The following STYK1 variants were observed in gnomAD, a reference collection of about 807,000 sequenced individuals.
STYK1 encodes the protein tyrosine-protein kinase STYK1.
Under a neutral mutation model 48.1 loss-of-function variants are expected in STYK1, and 46 were observed. The ratio of observed to expected loss-of-function variants is 0.96; its 90% confidence interval spans 0.75 to 1.22. The LOEUF is 1.22. Among genes scored for constraint, STYK1 ranks in the 50% most tolerant of loss-of-function variants. The pLI is 0.00. For missense variants in STYK1, 527 were observed against 521.1 expected (o/e 1.01, Z -0.11); for synonymous variants, 188 against 189.0 (o/e 0.99, Z 0.04).
At chr12:10,649,840 CAGT>C (rs372644037) in intron 1 of STYK1, among the ~76,000 whole-genome samples, 1 of 152,184 alleles carries the variant, frequency 6.6e-6, no homozygotes, top group African/African-American at 2.4e-5. Context: ...AGGCCGGGAG[CAGT>C]GGTTCACGCC....
intron 1 of STYK1, among the ~76,000 whole-genome samples, chr12:10,647,093 A>G (rs115578404): frequency 0.012 from 1,847 of 152,300 alleles, 35 homozygotes; most frequent in African/African-American, 0.043. Context: ...CCCCCACACA[A>G]TGTCCCTATT....
At chr12:10,636,815 G>C (rs1015887027) in intron 2 of STYK1, among the ~76,000 whole-genome samples, 21 of 151,972 alleles carry the variant, frequency 1.4e-4, no homozygotes, top group African/African-American at 4.6e-4. Flanking sequence ...AGCACAGGTG[G>C]AAAAAAGGGT....
At chr12:10,656,200 T>C (rs1465596870) in intron 1 of STYK1, among the ~76,000 whole-genome samples, 1 of 152,206 alleles carries the variant, frequency 6.6e-6, no homozygotes, top group Non-Finnish European at 1.5e-5. Context: ...GCAAAAGACA[T>C]GGCTTTCTCC....
intron 1 of STYK1, among the ~76,000 whole-genome samples, chr12:10,655,835 G>A (rs986076573): frequency 3.9e-5 from 6 of 152,198 alleles, no homozygotes; most frequent in Non-Finnish European, 5.9e-5. Context: ...CATTTTTGAA[G>A]TGCTATGGTT....
At chr12:10,648,345 GA>G (rs547781803) in intron 1 of STYK1, among the ~76,000 whole-genome samples, 8 of 148,650 alleles carry the variant, frequency 5.4e-5, no homozygotes, top group African/African-American at 9.9e-5. Flanking sequence ...TCTTCCAACA[GA>G]AAAAAAAATC....
At chr12:10,644,490 A>C (rs1947578689) in intron 1 of STYK1, among the ~76,000 whole-genome samples, 1 of 152,246 alleles carries the variant, frequency 6.6e-6, no homozygotes, top group Admixed American at 6.5e-5. Flanking sequence ...TTTTGCAACT[A>C]CTTGTGAACC....
At chr12:10,624,920 G>A (rs1947339488) in intron 7 of STYK1, 61 bp from the exon 8 acceptor site, 6 of 1,462,130 alleles carry the variant, frequency 4.1e-6, no homozygotes, top group Non-Finnish European at 5.8e-6. Flanking sequence ...TCACAGACAA[G>A]GAGAGGCAGT....
In STYK1 at chr12:10,631,067, A is replaced by C; in HGVS notation, c.429T>G (p.Ser143Arg). 6.2e-7 allele frequency: 1 copy of C among 1,613,940 alleles called. No homozygotes were observed. Among genetic ancestry groups the C allele is most frequent in the Middle Eastern group, 1.7e-4 (1 of 5,986 alleles). Reference protein sequence around the residue: ...MNTGDPSKPKSVILKALKEPA... With the variant: ...MNTGDPSKPKRVILKALKEPA... ...TACCTTTTAAAGCCTTGAGAATAAC[A>C]CTCTTGGGCTTAGAAGGGTCCCCAG... The change falls in exon 5 of 11, where the codon AGT becomes AGG. Residue 143 changes from serine to arginine, a missense_variant. Coordinates refer to ENST00000075503, the MANE Select transcript of STYK1 (RefSeq NM_018423.3).
intron 1 of STYK1, among the ~76,000 whole-genome samples, chr12:10,639,130 A>C (rs1310100897): frequency 6.6e-6 from 1 of 152,202 alleles, no homozygotes; most frequent in Non-Finnish European, 1.5e-5. Flanking sequence ...GCTATCTGGA[A>C]AAAAAACAAA....
intron 1 of STYK1, among the ~76,000 whole-genome samples, chr12:10,668,125 T>G (rs1334694943): frequency 6.6e-6 from 1 of 152,156 alleles, no homozygotes; most frequent in Admixed American, 6.5e-5. Context: ...TAAAATACTT[T>G]TTTTTTTAAC....
chr12:10,619,818 C>A lies in STYK1; in HGVS notation c.*326G>T. The A allele has an allele frequency of 2.4e-6, 1 of 412,622 alleles. No homozygotes were observed. Among genetic ancestry groups the A allele is most frequent in the Non-Finnish European group, 4.3e-6 (1 of 234,786 alleles). The allele number at this position is 412,622 out of a possible 1,614,324, so 25.6% of individuals were successfully genotyped here. A position where few individuals can be genotyped will look rare whatever the true frequency, so the allele number is the denominator to read the frequency against. Reference sequence around the variant, plus strand: ...AAAATGTGGTTCCAGAGGAAACTAGCCTCGGACGGGAGGGATGAGCTTATT... The same window carrying A: ...AAAATGTGGTTCCAGAGGAAACTAGACTCGGACGGGAGGGATGAGCTTATT... On this transcript the variant is annotated 3_prime_UTR_variant, in exon 11 of 11. Transcript: ENST00000075503.
chr12:10,634,464 A>G lies in STYK1; in HGVS notation c.52+103T>C. 3 of 1,326,078 alleles carry G rather than the reference A, an allele frequency of 2.3e-6. No individual in the cohort carries two copies. The Middle Eastern group carries it at 5.5e-4, about 241-fold the overall frequency. 82.1% of individuals were successfully genotyped at this position (1,326,078 alleles called of 1,614,324 possible). A position where few individuals can be genotyped will look rare whatever the true frequency, so the allele number is the denominator to read the frequency against. On this transcript the variant is annotated intron_variant, in intron 3 of 10. Coordinates refer to ENST00000075503, the MANE Select transcript of STYK1 (RefSeq NM_018423.3). ...CCATCCTTTTATCACCACTGTCTTC[A>G]TTTCTACTGGAAATCAAATCATCCT...
At chr12:10,650,014 G>A (rs12310398) in intron 1 of STYK1, among the ~76,000 whole-genome samples, 82,837 of 150,428 alleles carry the variant, frequency 0.55, 23,550 homozygotes, top group East Asian at 0.8. Context: ...CTCGGGAGGC[G>A]GAGGCAGGAG....
intron 4 of STYK1, among the ~76,000 whole-genome samples, chr12:10,633,737 C>A (rs896542541): frequency 6.6e-5 from 10 of 152,074 alleles, no homozygotes; most frequent in African/African-American, 2.4e-4. Context: ...GATAGTCCAA[C>A]AGGAATAGAA....
At chr12:10,632,970 A>G (rs1046792210) in intron 4 of STYK1, among the ~76,000 whole-genome samples, 5 of 152,344 alleles carry the variant, frequency 3.3e-5, no homozygotes, top group Admixed American at 3.3e-4. Context: ...TTTTGGTCAT[A>G]TTACATATGA....
rs375822208 is a variant in STYK1, at chr12:10,629,575, C to T, written c.551G>A (p.Cys184Tyr). 9 of 1,614,076 alleles carry T rather than the reference C, an allele frequency of 5.6e-6. No individual in the cohort carries two copies. Among genetic ancestry groups the T allele is most frequent in the South Asian group, 1.1e-5 (1 of 91,086 alleles). ...CATATAGAGTGGCAGCTTTTCAGTG[C>T]AGCAGCCTTCCAGCTGCACCAGGTT... ...HKNLVQLEGC[C>Y]TEKLPLYMVL... The change falls in exon 6 of 11, where the codon TGC becomes TAC. Residue 184 changes from cysteine to tyrosine, a missense_variant. Physicochemically the swap from Cys to Tyr is radical, Grantham distance 194. Transcript: ENST00000075503.
chr12:10,634,650 CCA>C lies in STYK1; in HGVS notation c.-34_-33del. 6.2e-7 allele frequency: 1 copy of C among 1,613,768 alleles called. No individual in the cohort carries two copies. Among genetic ancestry groups the C allele is most frequent in the African/African-American group, 1.3e-5 (1 of 74,952 alleles). ...AGGGCTGTCCCCTTCCCTGCTAGGC[CCA>C]CAGAGAATGCACACAGCACAGCTGT... On this transcript the variant is annotated 5_prime_UTR_variant, in exon 3 of 11. The change abolishes the stop of an existing upstream ORF in the 5' untranslated region. Transcript: ENST00000075503.
intron 1 of STYK1, among the ~76,000 whole-genome samples, chr12:10,657,267 C>G (rs189399504): frequency 8.5e-5 from 13 of 152,268 alleles, no homozygotes; most frequent in African/African-American, 2.9e-4. Context: ...GGGCTCCTCC[C>G]TGAAGCCAGT....
At chr12:10,637,302 T>C (rs188955477) in intron 1 of STYK1, 106 bp from the exon 2 acceptor site, 11 of 152,032 alleles carry the variant, frequency 7.2e-5, no homozygotes, top group African/African-American at 2.4e-4. Flanking sequence ...TTTATTTAGG[T>C]AGAGGCATAT....
Sources: gnomAD v4.1 joint callset for allele counts (sites outside exome capture counted in the v4.1 genomes callset) on GRCh38, gnomAD v4.1.1 for gene constraint, MANE v1.5 for transcripts, NCBI Gene and HGNC (gene_info 2026-07-23, HGNC 2026-07-21) for gene names.